Variants in OR56B2 observed in about 807,000 individuals in gnomAD.
The protein encoded by OR56B2 is olfactory receptor 56B2.
the OR56B2 span, chr11:5,761,208 T>G: frequency 6.6e-6 from 1 of 152,186 alleles, no homozygotes; most frequent in African/African-American, 2.4e-5. Flanking sequence ...TGAAGATCAC[T>G]ACATATGACA....
the OR56B2 span, among the ~76,000 whole-genome samples, chr11:5,768,076 A>C: frequency 6.5e-5 from 9 of 138,970 alleles, 2 homozygotes; most frequent in Non-Finnish European, 9.5e-5. Context: ...TAAGGGGTAC[A>C]ACTGCTTTTT....
At chr11:5,768,810 C>T in the OR56B2 span, among the ~76,000 whole-genome samples, 1 of 139,350 alleles carries the variant, frequency 7.2e-6, no homozygotes. Context: ...ACATAATGTG[C>T]CTTTATTTAA....
At chr11:5,763,439 G>A in the OR56B2 span, among the ~76,000 whole-genome samples, 3 of 133,438 alleles carry the variant, frequency 2.2e-5, 1 homozygote. Context: ...TCAGCCTCCT[G>A]AGTAACTGGG....
chr11:5,764,484 A>C, the OR56B2 span, among the ~76,000 whole-genome samples: 1 of 141,402 alleles, frequency 7.1e-6, no homozygotes, highest in Non-Finnish European at 1.6e-5. Context: ...TCATATTTGC[A>C]TGAATTTATA....
At chr11:5,761,880 C>A in the OR56B2 span, among the ~76,000 whole-genome samples, 4 of 151,994 alleles carry the variant, frequency 2.6e-5, no homozygotes, top group Non-Finnish European at 5.9e-5. Context: ...ATCCTAGAGG[C>A]TAAGACTTTT....
At chr11:5,763,253 C>G in the OR56B2 span, among the ~76,000 whole-genome samples, 7 of 152,074 alleles carry the variant, frequency 4.6e-5, no homozygotes, top group Non-Finnish European at 8.8e-5. Flanking sequence ...TCTTCTACCC[C>G]TTGATTGTTT....
At chr11:5,763,439 G>C in the OR56B2 span, among the ~76,000 whole-genome samples, 1 of 133,438 alleles carries the variant, frequency 7.5e-6, no homozygotes, top group Non-Finnish European at 1.6e-5. Context: ...TCAGCCTCCT[G>C]AGTAACTGGG....
the OR56B2 span, among the ~76,000 whole-genome samples, chr11:5,767,675 G>T: frequency 2.2e-5 from 3 of 138,970 alleles, no homozygotes. Context: ...ATTTTGTATA[G>T]TAAAGAGGAA....
chr11:5,766,337 G>A, the OR56B2 span: 1 of 140,576 alleles, frequency 7.1e-6, no homozygotes, highest in Non-Finnish European at 1.6e-5. Context: ...ACTTGTCTTA[G>A]CTAAAACTTC....
chr11:5,767,924 A>G, the OR56B2 span, among the ~76,000 whole-genome samples: 1 of 139,750 alleles, frequency 7.2e-6, no homozygotes, highest in Non-Finnish European at 1.6e-5. Context: ...GGCAATAATG[A>G]GAGACTAACT....
the OR56B2 span, chr11:5,766,309 C>T: frequency 7.1e-6 from 1 of 140,324 alleles, no homozygotes; most frequent in Admixed American, 7.3e-5. Flanking sequence ...ATGTAATCTA[C>T]ATTTCATGTT....
chr11:5,763,245 T>G, the OR56B2 span, among the ~76,000 whole-genome samples: 1 of 152,288 alleles, frequency 6.6e-6, no homozygotes, highest in Non-Finnish European at 1.5e-5. Context: ...CGCTATACTC[T>G]TCTACCCCTT....
At chr11:5,761,181 A>T in the OR56B2 span, 4 of 152,212 alleles carry the variant, frequency 2.6e-5, no homozygotes, top group Admixed American at 6.5e-5. Flanking sequence ...GTGGCTGTAA[A>T]CCAGCTCTGG....
At chr11:5,762,661 T>C in the OR56B2 span, among the ~76,000 whole-genome samples, 2 of 152,050 alleles carry the variant, frequency 1.3e-5, no homozygotes, top group African/African-American at 4.8e-5. Context: ...TCAAAATAGC[T>C]GGAAGAGAAT....
At chr11:5,764,891 C>T in the OR56B2 span, among the ~76,000 whole-genome samples, 2 of 139,402 alleles carry the variant, frequency 1.4e-5, 1 homozygote. Context: ...ATATGACCTA[C>T]CTTATAGAGT....
At chr11:5,763,307 A>G in the OR56B2 span, among the ~76,000 whole-genome samples, 9 of 66,814 alleles carry the variant, frequency 1.3e-4, no homozygotes, top group Middle Eastern at 9.6e-3. Context: ...CCATTACATT[A>G]TATTTATTTA....
the OR56B2 span, among the ~76,000 whole-genome samples, chr11:5,768,235 C>T: frequency 7.3e-6 from 1 of 137,276 alleles, no homozygotes; most frequent in African/African-American, 2.7e-5. Context: ...TGCCCATCCC[C>T]CAAATCTCCA....
chr11:5,763,016 T>C, the OR56B2 span, among the ~76,000 whole-genome samples: 286 of 152,196 alleles, frequency 1.9e-3, 2 homozygotes, highest in African/African-American at 6.6e-3. Flanking sequence ...TTGGTTTTCT[T>C]ATCTAAGAAT....
chr11:5,762,497 T>C, the OR56B2 span, among the ~76,000 whole-genome samples: 1 of 152,100 alleles, frequency 6.6e-6, no homozygotes, highest in Non-Finnish European at 1.5e-5. Context: ...TCATGCATCT[T>C]CTTTATGTAT....
Sources: gnomAD v4.1 joint callset for allele counts (sites outside exome capture counted in the v4.1 genomes callset) on GRCh38, gnomAD v4.1.1 for gene constraint, MANE v1.5 for transcripts, NCBI Gene and HGNC (gene_info 2026-07-23, HGNC 2026-07-21) for gene names.